The following SCMH1 variants were observed in gnomAD, a reference collection of about 807,000 sequenced individuals.
SCMH1 encodes the protein Scm polycomb group protein homolog 1.
A neutral mutation model predicts 70.8 loss-of-function variants in SCMH1; 37 were observed. That is an observed-to-expected ratio of 0.52 (90% CI 0.40 to 0.69). The LOEUF (loss-of-function observed/expected upper bound fraction) is 0.69, where lower values mean the gene tolerates loss of function less well. Ranked by LOEUF, SCMH1 falls within the 30% of genes least tolerant of loss-of-function variation. The pLI is 0.00. For missense variants in SCMH1, 607 were observed against 827.3 expected, an observed-to-expected ratio of 0.73 and a Z score of 3.27; for synonymous variants, 292 against 307.4, an observed-to-expected ratio of 0.95 and a Z score of 0.52.
chr1:41,240,240 C>T (rs960265549), intron 1 of SCMH1, among the ~76,000 whole-genome samples: 1 of 152,176 alleles, frequency 6.6e-6, no homozygotes, highest in Non-Finnish European at 1.5e-5. Flanking sequence ...CTGGTATGTG[C>T]TTGTCTAAGT....
At chr1:41,142,852 G>A (rs1391346907) in intron 6 of SCMH1, 26 bp downstream of exon 6, 2 of 1,578,364 alleles carry the variant, frequency 1.3e-6, no homozygotes, top group Non-Finnish European at 1.7e-6. Context: ...TAATTGGCTA[G>A]AAAGAGTTTG....
intron 5 of SCMH1, among the ~76,000 whole-genome samples, chr1:41,143,746 T>C (rs1213070909): frequency 4.0e-5 from 6 of 150,452 alleles, no homozygotes; most frequent in Non-Finnish European, 8.8e-5. Context: ...TCTCTTCTTC[T>C]GGCCCCTCCA....
chr1:41,200,495 A>G (rs1654074786), intron 1 of SCMH1, among the ~76,000 whole-genome samples: 2 of 141,274 alleles, frequency 1.4e-5, no homozygotes, highest in Non-Finnish European at 3.2e-5. Context: ...ATATAAATAA[A>G]TGTAATAATA....
intron 4 of SCMH1, among the ~76,000 whole-genome samples, chr1:41,156,632 C>A (rs1156669802): frequency 2.0e-5 from 3 of 151,842 alleles, no homozygotes; most frequent in Non-Finnish European, 4.4e-5. Flanking sequence ...AGAGACAGGG[C>A]TATGCCAAAT....
At chr1:41,151,468 T>C (rs897110870) in intron 5 of SCMH1, 146 bp downstream of exon 5, 19 of 509,436 alleles carry the variant, frequency 3.7e-5, no homozygotes, top group Middle Eastern at 5.2e-4. Flanking sequence ...CAAATTTTAC[T>C]TCTTGAGCTG....
At chr1:41,129,815 T>C (rs557665985) in intron 6 of SCMH1, among the ~76,000 whole-genome samples, 17 of 152,214 alleles carry the variant, frequency 1.1e-4, no homozygotes, top group African/African-American at 1.9e-4. Context: ...TAGTTGGGGG[T>C]CTCACTATGT....
chr1:41,118,758 C>T (rs1671172524), intron 6 of SCMH1, among the ~76,000 whole-genome samples: 1 of 152,192 alleles, frequency 6.6e-6, no homozygotes, highest in Non-Finnish European at 1.5e-5. Context: ...GCCCCAAGTG[C>T]TTCTTTCAAT....
intron 1 of SCMH1, among the ~76,000 whole-genome samples, chr1:41,240,560 T>TAA (rs71692898): frequency 1.6e-4 from 23 of 144,122 alleles, no homozygotes; most frequent in Middle Eastern, 3.5e-3. Flanking sequence ...TTTCAGAGTT[T>TAA]AAAAAAAAAA....
At position 41,028,131 on chromosome 1, in the gene SCMH1, C is replaced by T. The variant is rs1643992284; in HGVS notation, c.*63G>A. On this transcript the variant is annotated 3_prime_UTR_variant, in exon 15 of 15. Coordinates refer to ENST00000337495, the Ensembl canonical transcript of SCMH1. ...GAGGTGCCTGGGGTGGGCTGATGCC[C>T]CTCATTCCTAGAAGAATGCCCCCAC... 3.1e-6 allele frequency: 5 copies of T among 1,604,362 alleles called. No individual in the cohort carries two copies. In the South Asian group the frequency reaches 3.4e-5, roughly 11 times the overall value.
chr1:41,153,369 G>A (rs553659791), intron 4 of SCMH1, among the ~76,000 whole-genome samples: 3 of 152,252 alleles, frequency 2.0e-5, no homozygotes, highest in African/African-American at 7.2e-5. Flanking sequence ...CCCACACATA[G>A]CTAATAGTTA....
intron 1 of SCMH1, among the ~76,000 whole-genome samples, chr1:41,193,649 G>A (rs1179971713): frequency 6.6e-6 from 1 of 152,100 alleles, no homozygotes; most frequent in Non-Finnish European, 1.5e-5. Flanking sequence ...AATGGAAAGG[G>A]ACAATGTGTT....
intron 1 of SCMH1, among the ~76,000 whole-genome samples, chr1:41,205,056 GA>G (rs1284232239): frequency 6.6e-6 from 1 of 152,176 alleles, no homozygotes; most frequent in Non-Finnish European, 1.5e-5. Context: ...CTCTTAAAAT[GA>G]AACAAAAATG....
chr1:41,116,924 T>C, exon 7 of SCMH1: 1 of 1,597,828 alleles, frequency 6.3e-7, no homozygotes, highest in South Asian at 1.1e-5. Context: ...TAGCCTACCT[T>C]GTGGAAAATC....
intron 1 of SCMH1, among the ~76,000 whole-genome samples, chr1:41,217,796 C>T (rs1050909328): frequency 6.6e-6 from 1 of 152,200 alleles, no homozygotes. Flanking sequence ...AGGGCCACCC[C>T]AGCAGTCCAG....
chr1:41,230,771 C>A (rs937602234), intron 1 of SCMH1, among the ~76,000 whole-genome samples: 1 of 152,060 alleles, frequency 6.6e-6, no homozygotes, highest in Admixed American at 6.6e-5. Flanking sequence ...ATCAGACTTA[C>A]TTAGAGAGCT....
chr1:41,227,181 C>A (rs1660430380), intron 1 of SCMH1, among the ~76,000 whole-genome samples: 1 of 152,184 alleles, frequency 6.6e-6, no homozygotes, highest in South Asian at 2.1e-4. Flanking sequence ...GTGCCATAAT[C>A]CCCTAGCTAA....
intron 5 of SCMH1, among the ~76,000 whole-genome samples, chr1:41,146,714 G>A (rs1379314800): frequency 1.3e-5 from 2 of 152,070 alleles, no homozygotes; most frequent in African/African-American, 4.8e-5. Context: ...ATCCAGGTTT[G>A]TGCAAGTATA....
At chr1:41,179,460 C>T (rs1273857) in intron 2 of SCMH1, among the ~76,000 whole-genome samples, 152,279 of 152,290 alleles carry the variant, frequency 1, 76,134 homozygotes, top group Middle Eastern at 1. Flanking sequence ...ACAAAATTGA[C>T]AGACCGCTAG....
rs550791955 is a variant in SCMH1, at chr1:41,194,149, A to G, written c.-117-7899T>C. Among the ~76,000 whole-genome samples the G allele has an allele frequency of 8.5e-4, 130 of 152,332 alleles. 1 individual carries two copies. The highest frequency in any genetic ancestry group is 2.7e-3 in the African/African-American group (113 of 41,578). On this transcript the variant is annotated intron_variant, in intron 1 of 14. Transcript: ENST00000337495. ...TAACAGTACTCTACACATACTTTTA[A>G]GTAGTGTAGTTTGCACATTATAAAG...
Sources: gnomAD v4.1 joint callset for allele counts (sites outside exome capture counted in the v4.1 genomes callset) on GRCh38, gnomAD v4.1.1 for gene constraint, MANE v1.5 for transcripts, NCBI Gene and HGNC (gene_info 2026-07-23, HGNC 2026-07-21) for gene names.